USP49: variants seen among roughly 807,000 people sequenced by gnomAD.
USP49 encodes the protein ubiquitin specific peptidase 49.
Under a neutral mutation model 58.6 loss-of-function variants are expected in USP49, and 24 were observed. The ratio of observed to expected loss-of-function variants is 0.41; its 90% CI spans 0.30 to 0.58. The LOEUF (loss-of-function observed/expected upper bound fraction) is 0.58, where lower values mean the gene tolerates loss of function less well. Ranked by LOEUF, USP49 falls within the 20% of genes least tolerant of loss-of-function variation. USP49 has a pLI of 0.30. For missense variants in USP49, 703 were observed against 866.1 expected (o/e 0.81, Z 2.36); for synonymous variants, 408 against 365.1 (o/e 1.12, Z -1.34).
intron 7 of USP49, 35 bp downstream of exon 7, chr6:41,798,689 C>T (rs980299281): frequency 1.4e-5 from 23 of 1,613,760 alleles, no homozygotes; most frequent in South Asian, 7.7e-5. Context: ...AACCCCTTTC[C>T]GTGTCCCCCA....
chr6:41,832,663 G>T (rs1031085658), intron 3 of USP49, among the ~76,000 whole-genome samples: 2 of 152,048 alleles, frequency 1.3e-5, no homozygotes, highest in African/African-American at 4.8e-5. Flanking sequence ...GGGTATTTTT[G>T]GCAAGCACTT....
chr6:41,891,031 A>C (rs2127367361), intron 2 of USP49, among the ~76,000 whole-genome samples: 1 of 152,380 alleles, frequency 6.6e-6, no homozygotes, highest in Middle Eastern at 3.4e-3. Context: ...TACATTATAC[A>C]TAATCGTTAC....
At chr6:41,882,400 A>G (rs1471362297) in intron 2 of USP49, among the ~76,000 whole-genome samples, 1 of 152,234 alleles carries the variant, frequency 6.6e-6, no homozygotes, top group Non-Finnish European at 1.5e-5. Context: ...AGTGGATGGT[A>G]TTGGGAAATA....
chr6:41,872,119 C>T (rs763371552), intron 2 of USP49, among the ~76,000 whole-genome samples: 8 of 152,148 alleles, frequency 5.3e-5, no homozygotes, highest in Admixed American at 2.0e-4. Flanking sequence ...TCTTTAAAAG[C>T]GGTATATATT....
At chr6:41,867,054 CTTG>C (rs1377459462) in intron 3 of USP49, among the ~76,000 whole-genome samples, 4 of 152,198 alleles carry the variant, frequency 2.6e-5, no homozygotes, top group African/African-American at 7.2e-5. Context: ...TATTAGTGTA[CTTG>C]TTGTTACTTT....
chr6:41,887,098 A>G (rs1424085254), intron 2 of USP49, among the ~76,000 whole-genome samples: 3 of 152,232 alleles, frequency 2.0e-5, no homozygotes, highest in African/African-American at 7.2e-5. Flanking sequence ...AGAGACTGAA[A>G]GAAAGAGCAG....
intron 3 of USP49, among the ~76,000 whole-genome samples, chr6:41,846,593 A>G (rs1444036984): frequency 6.6e-6 from 1 of 152,224 alleles, no homozygotes; most frequent in East Asian, 1.9e-4. Context: ...GTTAACAACA[A>G]TATATGGACC....
At chr6:41,816,721 T>TA (rs199616409) in intron 3 of USP49, among the ~76,000 whole-genome samples, 1 of 127,840 alleles carries the variant, frequency 7.8e-6, no homozygotes, top group Non-Finnish European at 1.7e-5. Flanking sequence ...TTATTATTAT[T>TA]TTATTTTTTA....
At chr6:41,858,131 A>G (rs1582025187) in intron 3 of USP49, among the ~76,000 whole-genome samples, 1 of 152,258 alleles carries the variant, frequency 6.6e-6, no homozygotes, top group East Asian at 1.9e-4. Context: ...TCATTCAGGT[A>G]TCTTCCTGGC....
At chr6:41,878,787 T>C (rs1477741209) in intron 2 of USP49, among the ~76,000 whole-genome samples, 1 of 152,146 alleles carries the variant, frequency 6.6e-6, no homozygotes, top group African/African-American at 2.4e-5. Flanking sequence ...GTGTGAGGTG[T>C]TTTCATGTAC....
chr6:41,885,806 AAG>A (rs1214924849), intron 2 of USP49, among the ~76,000 whole-genome samples: 1 of 152,024 alleles, frequency 6.6e-6, no homozygotes, highest in African/African-American at 2.4e-5. Flanking sequence ...AGGAAAAAAA[AAG>A]AGAGAGTCTC....
At chr6:41,847,216 G>T (rs1773939010) in intron 3 of USP49, among the ~76,000 whole-genome samples, 1 of 152,194 alleles carries the variant, frequency 6.6e-6, no homozygotes, top group Non-Finnish European at 1.5e-5. Flanking sequence ...TCTGTGAGCT[G>T]CCTGACAAAG....
chr6:41,806,501 C>T lies in USP49; in HGVS notation c.483G>A (p.Lys161=), dbSNP rs769356341. 6.3e-7 allele frequency: 1 copy of T among 1,598,618 alleles called. No homozygotes were observed. Among genetic ancestry groups the T allele is most frequent in the Non-Finnish European group, 8.5e-7 (1 of 1,179,350 alleles). ...CCAGCTTCGCCTGGCCCCGGGAGCTCTTCTCGAACCACAGCCGCAGCGTCC... is the reference window on the plus strand; with the variant it reads ...CCAGCTTCGCCTGGCCCCGGGAGCTTTTCTCGAACCACAGCCGCAGCGTCC... ...LARTLRLWFE[K]SSRGQAKLEQ... is the part of the protein sequence containing the mutation. The change falls in exon 4 of 8, where the codon AAG becomes AAA. Residue 161 remains lysine (K), a synonymous_variant. Transcript: ENST00000682992. This position sits in a 1 kb window ranked among gnomAD's most constrained non-coding sequence, Gnocchi z 5.9.
At position 41,792,750 on chromosome 6, in the gene USP49, G is replaced by T. The variant is rs1326482212; in HGVS notation, c.*3783C>A. ...TGCTTTTTAAAAGTCTGTGATACCA[G>T]ATGTCCTTTAAACACTACACAGACC... is the stretch of plus-strand genomic sequence containing the variant. On this transcript the variant is annotated 3_prime_UTR_variant, in exon 8 of 8. Transcript: ENST00000682992. 6.6e-6 allele frequency: 1 copy of T among 152,230 alleles called. No homozygotes were observed. Among genetic ancestry groups the T allele is most frequent in the African/African-American group, 2.4e-5 (1 of 41,464 alleles). 9.4% of individuals were successfully genotyped at this position (152,230 alleles called of 1,614,324 possible).
chr6:41,882,222 T>A (rs1774620860), intron 2 of USP49, among the ~76,000 whole-genome samples: 1 of 152,206 alleles, frequency 6.6e-6, no homozygotes, highest in Admixed American at 6.5e-5. Context: ...GCAACACTAC[T>A]GACATTGAGT....
At chr6:41,833,934 G>A (rs747398715) in intron 3 of USP49, among the ~76,000 whole-genome samples, 1 of 152,168 alleles carries the variant, frequency 6.6e-6, no homozygotes, top group Non-Finnish European at 1.5e-5. Context: ...TTCCAATGTT[G>A]GTAAAGTGAG....
intron 2 of USP49, among the ~76,000 whole-genome samples, chr6:41,885,851 A>C (rs1373530506): frequency 6.6e-6 from 1 of 152,162 alleles, no homozygotes; most frequent in Admixed American, 6.5e-5. Context: ...TGGGATAACA[A>C]GGTAAACTAC....
At chr6:41,819,451 C>CA in intron 3 of USP49, among the ~76,000 whole-genome samples, 2 of 152,136 alleles carry the variant, frequency 1.3e-5, no homozygotes, top group Admixed American at 1.3e-4. Context: ...AGCAGCTAGA[C>CA]AGGCAATCAT....
chr6:41,848,272 C>G (rs369689332), intron 3 of USP49, among the ~76,000 whole-genome samples: 1 of 151,724 alleles, frequency 6.6e-6, no homozygotes, highest in Non-Finnish European at 1.5e-5. Context: ...CAACAAAACA[C>G]GAAAAAGGCA....
Sources: allele counts gnomAD v4.1 joint callset (sites outside exome capture counted in the v4.1 genomes callset), GRCh38; gene constraint gnomAD v4.1.1; non-coding constraint Gnocchi (gnomAD v3.1); transcripts MANE v1.5; gene names NCBI Gene and HGNC (gene_info 2026-07-23, HGNC 2026-07-21).